NSMCE2: variants seen among roughly 807,000 people sequenced by gnomAD.
NSMCE2 encodes the protein NSE2 SUMO ligase component of SMC5/6 complex.
Under a neutral mutation model 23.8 loss-of-function variants are expected in NSMCE2, and 24 were observed. The ratio of observed to expected loss-of-function variants is 1.01; its 90% CI spans 0.73 to 1.42. NSMCE2 has a LOEUF of 1.42. Ranked by LOEUF, NSMCE2 falls within the 40% of genes most tolerant of loss-of-function variation. The probability of loss-of-function intolerance (pLI) is 0.00; values close to 1 mark genes in which losing one functional copy is unlikely to be tolerated. For synonymous variants in NSMCE2, 92 were observed against 94.1 expected, an observed-to-expected ratio of 0.98 and a Z score of 0.13; for missense variants, 284 against 296.5, an observed-to-expected ratio of 0.96 and a Z score of 0.31.
chr8:125,340,181 AT>A (rs943013393), intron 5 of NSMCE2, among the ~76,000 whole-genome samples: 8 of 148,338 alleles, frequency 5.4e-5, no homozygotes, highest in South Asian at 2.1e-4. Flanking sequence ...CGCCCGGCTA[AT>A]TTTTTTTTTG....
At position 125,237,673 on chromosome 8, in the gene NSMCE2, A is replaced by G. The variant is rs182926911; in HGVS notation, c.418+55417A>G. On this transcript the variant is annotated intron_variant, in intron 5 of 7. Coordinates refer to ENST00000287437, the MANE Select transcript of NSMCE2 (RefSeq NM_173685.4). ...AGTCACATTCTTTTTTTCTCAGTAC[A>G]TCAGTGTCTTGTGAGTTTTGTTAGC... is the stretch of plus-strand genomic sequence containing the variant. 4.3e-3 allele frequency among the ~76,000 whole-genome samples: 660 copies of G among 152,262 alleles called. 3 individuals carry two copies. Among genetic ancestry groups the G allele is most frequent in the Non-Finnish European group, 7.3e-3 (494 of 68,016 alleles).
At position 125,357,249 on chromosome 8, in the gene NSMCE2, G is replaced by T; in HGVS notation, c.449G>T (p.Gly150Val). Residue 150 changes from glycine (G) to valine (V), a missense_variant, in exon 6 of 8, where the codon GGA becomes GTA. By Grantham distance (109) the Gly-to-Val change is moderately radical. Around this residue, in one of 2 missense-constraint regions of NSMCE2, gnomAD observed 102 missense variants for 141.0 expected, o/e 0.72. Coordinates refer to ENST00000287437, the MANE Select transcript of NSMCE2 (RefSeq NM_173685.4). ...CGLQADREADGTEGVDEDIIV... is the reference protein window; with the variant it reads ...CGLQADREADVTEGVDEDIIV... ...CTTCAAGCTGACAGAGAAGCTGACG[G>T]AACAGAAGGAGTGGATGAAGATATA... is the stretch of plus-strand genomic sequence containing the variant. The T allele has an allele frequency of 6.2e-7, 1 of 1,613,614 alleles. No homozygotes were observed. The highest frequency in any genetic ancestry group is 1.3e-5 in the African/African-American group (1 of 75,014).
Position 125,192,650 on chromosome 8 carries a change from T to G in NSMCE2, c.418+10394T>G, listed in dbSNP as rs188607679. ...ACACATTCAAATAATACTAATGACT[T>G]GCTACATTTCATTTCAATTTAAGAT... On this transcript the variant is annotated intron_variant, in intron 5 of 7. Coordinates refer to ENST00000287437, the MANE Select transcript of NSMCE2 (RefSeq NM_173685.4). 3.1e-3 allele frequency among the ~76,000 whole-genome samples: 468 copies of G among 152,340 alleles called. 3 individuals are homozygous for G. The highest frequency in any genetic ancestry group is 0.011 in the African/African-American group (451 of 41,570).
At chr8:125,135,863 T>A (rs1286172715) in intron 3 of NSMCE2, among the ~76,000 whole-genome samples, 1 of 152,256 alleles carries the variant, frequency 6.6e-6, no homozygotes, top group Non-Finnish European at 1.5e-5. Context: ...GTTGTCTTTT[T>A]CAAGGTTGTT....
chr8:125,109,502 T>C (rs763788267), intron 3 of NSMCE2, among the ~76,000 whole-genome samples: 11 of 152,162 alleles, frequency 7.2e-5, no homozygotes, highest in African/African-American at 1.2e-4. Flanking sequence ...TTTTATGAGA[T>C]TGTTGACTTT....
At chr8:125,176,943 GCC>G (rs1271862398) in intron 4 of NSMCE2, among the ~76,000 whole-genome samples, 2 of 152,158 alleles carry the variant, frequency 1.3e-5, no homozygotes, top group Non-Finnish European at 2.9e-5. Context: ...TGCTGGTCTA[GCC>G]CCATAGGCAT....
chr8:125,320,306 A>AAGGG (rs1829400197), intron 5 of NSMCE2, among the ~76,000 whole-genome samples: 5 of 120,638 alleles, frequency 4.1e-5, no homozygotes, highest in African/African-American at 1.5e-4. Context: ...GGAAGGAAGG[A>AAGGG]AGGGAAGGGA....
intron 4 of NSMCE2, among the ~76,000 whole-genome samples, chr8:125,162,543 A>C (rs1017962514): frequency 6.6e-6 from 1 of 152,034 alleles, no homozygotes; most frequent in African/African-American, 2.4e-5. Context: ...AGCAATTTTC[A>C]TAGGCTCTAT....
chr8:125,359,134 G>A (rs2129635338), intron 7 of NSMCE2, among the ~76,000 whole-genome samples: 1 of 151,798 alleles, frequency 6.6e-6, no homozygotes, highest in African/African-American at 2.4e-5. Flanking sequence ...GGGCGTGGTG[G>A]CAGGCGCCTA....
chr8:125,190,920 G>A (rs1223291408), intron 5 of NSMCE2, among the ~76,000 whole-genome samples: 1 of 152,104 alleles, frequency 6.6e-6, no homozygotes, highest in Non-Finnish European at 1.5e-5. Flanking sequence ...GCCCAGGTTG[G>A]AGTGCAGTGG....
chr8:125,313,229 G>GA (rs1563777908), intron 5 of NSMCE2, among the ~76,000 whole-genome samples: 1 of 150,238 alleles, frequency 6.7e-6, no homozygotes, highest in African/African-American at 2.4e-5. Context: ...GAAAGAAAAA[G>GA]AAGAAAGAAA....
At chr8:125,289,046 C>A (rs1388838668) in intron 5 of NSMCE2, among the ~76,000 whole-genome samples, 3 of 152,204 alleles carry the variant, frequency 2.0e-5, no homozygotes, top group Non-Finnish European at 4.4e-5. Flanking sequence ...GCCTTAACCT[C>A]CCAAAGTGCT....
chr8:125,362,069 C>T lies in NSMCE2; in HGVS notation c.626+4251C>T, dbSNP rs975426904. On this transcript the variant is annotated intron_variant, in intron 7 of 7. Coordinates refer to ENST00000287437, the MANE Select transcript of NSMCE2 (RefSeq NM_173685.4). ...CCCTGTGCTGCAGCGAAATGCTCTG[C>T]CCGGGTAGTGCCTGGAGGTGGGGAC... Among the ~76,000 whole-genome samples the T allele has an allele frequency of 2.6e-5, 4 of 152,182 alleles. No homozygotes were observed. In the South Asian group the frequency reaches 6.2e-4, roughly 24 times the overall value.
intron 5 of NSMCE2, among the ~76,000 whole-genome samples, chr8:125,340,639 G>T (rs939502023): frequency 1.3e-5 from 2 of 152,108 alleles, no homozygotes; most frequent in African/African-American, 4.8e-5. Flanking sequence ...TAGAATAAAG[G>T]ACAGAATGAT....
chr8:125,213,293 C>T (rs777469552), intron 5 of NSMCE2, among the ~76,000 whole-genome samples: 61 of 152,104 alleles, frequency 4.0e-4, no homozygotes, highest in Middle Eastern at 3.2e-3. Context: ...TAGCCAGCAG[C>T]GTACAGGAAA....
intron 5 of NSMCE2, among the ~76,000 whole-genome samples, chr8:125,345,065 G>A (rs1015082991): frequency 2.7e-5 from 4 of 150,378 alleles, no homozygotes; most frequent in Admixed American, 2.0e-4. Flanking sequence ...TTTGACAGCC[G>A]ATTACTACTG....
At chr8:125,316,710 C>T (rs1563780139) in intron 5 of NSMCE2, among the ~76,000 whole-genome samples, 1 of 52,896 alleles carries the variant, frequency 1.9e-5, no homozygotes, top group Admixed American at 2.9e-4. Flanking sequence ...TTCCTTCCTT[C>T]TTTCCTTCTT....
chr8:125,248,212 C>T (rs1223006678), intron 5 of NSMCE2, among the ~76,000 whole-genome samples: 1 of 152,052 alleles, frequency 6.6e-6, no homozygotes, highest in African/African-American at 2.4e-5. Flanking sequence ...TCTGTTTGAC[C>T]TTTTCAGTCA....
intron 3 of NSMCE2, among the ~76,000 whole-genome samples, chr8:125,142,802 A>G (rs189807783): frequency 5.3e-5 from 8 of 152,104 alleles, no homozygotes; most frequent in Admixed American, 5.2e-4. Flanking sequence ...CGGTTTCTCC[A>G]TGTTGGTCAG....
Sources: allele counts gnomAD v4.1 joint callset (sites outside exome capture counted in the v4.1 genomes callset), GRCh38; gene constraint gnomAD v4.1.1; regional missense constraint gnomAD v4.1.1; transcripts MANE v1.5; gene names NCBI Gene and HGNC (gene_info 2026-07-23, HGNC 2026-07-21).